RALYL: variants seen among roughly 807,000 people sequenced by gnomAD.
RALYL encodes the protein RALY RNA binding protein like, also known as RNA-binding Raly-like protein.
In RALYL, 29 loss-of-function variants were observed where a neutral mutation model predicts 35.1. The ratio of observed to expected loss-of-function variants is 0.83; its 90% CI spans 0.61 to 1.13. The LOEUF is 1.13. Among genes scored for constraint, RALYL ranks in the 50% most tolerant of loss-of-function variants. The probability of loss-of-function intolerance (pLI) is 0.00; values close to 1 mark genes in which losing one functional copy is unlikely to be tolerated. For missense variants in RALYL, 359 were observed against 360.4 expected, an observed-to-expected ratio of 1.00 and a Z score of 0.03; for synonymous variants, 120 against 127.6, an observed-to-expected ratio of 0.94 and a Z score of 0.40.
chr8:84,566,833 G>C (rs1258833206), intron 2 of RALYL, among the ~76,000 whole-genome samples: 1 of 151,454 alleles, frequency 6.6e-6, no homozygotes, highest in Non-Finnish European at 1.5e-5. Flanking sequence ...ATTGAAACTT[G>C]GCCCCAATTT....
In RALYL at chr8:84,475,497, G is replaced by A. The variant is rs1239658790; in HGVS notation, c.-23-53802G>A. On this transcript the variant is annotated intron_variant, in intron 1 of 8. Coordinates refer to ENST00000521268, the MANE Select transcript of RALYL (RefSeq NM_173848.7). ...TAAAACAAGTGTTTTAGGCAGATTA[G>A]AAAACTCTAATATAAAATTTTTGAA... is the stretch of plus-strand genomic sequence containing the variant. 2.6e-5 allele frequency among the ~76,000 whole-genome samples: 4 copies of A among 152,266 alleles called. No homozygotes were observed. The East Asian group carries it at 7.7e-4, about 29-fold the overall frequency.
chr8:84,640,679 C>G (rs960493575), intron 2 of RALYL, among the ~76,000 whole-genome samples: 3 of 151,768 alleles, frequency 2.0e-5, no homozygotes, highest in African/African-American at 4.8e-5. Flanking sequence ...CTTACAGAAG[C>G]TGATGAAAAA....
intron 1 of RALYL, among the ~76,000 whole-genome samples, chr8:84,217,759 G>T (rs945067598): frequency 6.6e-6 from 1 of 152,060 alleles, no homozygotes; most frequent in Non-Finnish European, 1.5e-5. Context: ...TCATTAAAAT[G>T]GTTGCCTTTA....
chr8:84,490,592 G>T (rs2055174008), intron 1 of RALYL, among the ~76,000 whole-genome samples: 1 of 151,978 alleles, frequency 6.6e-6, no homozygotes, highest in African/African-American at 2.4e-5. Flanking sequence ...AAGAAGGAAG[G>T]CAGGGGCTAG....
At chr8:84,821,075 T>C (rs1828411101) in intron 4 of RALYL, among the ~76,000 whole-genome samples, 1 of 152,192 alleles carries the variant, frequency 6.6e-6, no homozygotes, top group Non-Finnish European at 1.5e-5. Context: ...TTAAGCTTAC[T>C]TGAAGAGAAC....
At chr8:84,543,954 G>A (rs1474038813) in intron 2 of RALYL, among the ~76,000 whole-genome samples, 1 of 151,970 alleles carries the variant, frequency 6.6e-6, no homozygotes, top group Non-Finnish European at 1.5e-5. Context: ...TATTATGACT[G>A]CTCATTTGCT....
At chr8:84,782,115 G>T (rs867368948) in intron 3 of RALYL, among the ~76,000 whole-genome samples, 3 of 151,780 alleles carry the variant, frequency 2.0e-5, no homozygotes, top group Non-Finnish European at 4.4e-5. Context: ...AGAATCACAC[G>T]ATATTCCTTT....
chr8:84,662,341 A>G (rs1831102608), intron 2 of RALYL, among the ~76,000 whole-genome samples: 1 of 152,168 alleles, frequency 6.6e-6, no homozygotes, highest in African/African-American at 2.4e-5. Flanking sequence ...TGATCAGTTT[A>G]TAGATCTTAT....
At chr8:84,256,526 A>G (rs1831237813) in intron 1 of RALYL, among the ~76,000 whole-genome samples, 1 of 152,074 alleles carries the variant, frequency 6.6e-6, no homozygotes, top group South Asian at 2.1e-4. Context: ...TTTTGGCACT[A>G]CTTGATGTCC....
intron 2 of RALYL, among the ~76,000 whole-genome samples, chr8:84,550,682 T>C (rs1468848883): frequency 6.6e-6 from 1 of 151,850 alleles, no homozygotes; most frequent in Non-Finnish European, 1.5e-5. Context: ...CTTTAGAAAC[T>C]TATGACAGTC....
rs1308623408 is a variant in RALYL at position 84,921,442 on chromosome 8, T to A, written c.*531T>A. On this transcript the variant is annotated 3_prime_UTR_variant, in exon 9 of 9. Transcript: ENST00000521268. Reference sequence around the variant, plus strand: ...GAAAAAGTTATATTTCTGCCCTGTATAAGCACCCTTTTTATTAATAAAGAA... The same window carrying A: ...GAAAAAGTTATATTTCTGCCCTGTAAAAGCACCCTTTTTATTAATAAAGAA... The A allele has an allele frequency of 6.6e-6, 1 of 152,176 alleles. No homozygotes were observed. Among genetic ancestry groups the A allele is most frequent in the Non-Finnish European group, 1.5e-5 (1 of 67,992 alleles). 9.4% of individuals were successfully genotyped at this position (152,176 alleles called of 1,614,324 possible).
chr8:84,857,056 A>G (rs1019640643), intron 5 of RALYL, among the ~76,000 whole-genome samples: 43 of 151,674 alleles, frequency 2.8e-4, no homozygotes, highest in African/African-American at 1.0e-3. Context: ...AAAAAAAAAA[A>G]AAAGAATTAT....
At position 84,857,036 on chromosome 8, in the gene RALYL, GAAAAAAAAAAA is replaced by G. The variant is rs36119108; in HGVS notation, c.414-5247_414-5237del. On this transcript the variant is annotated intron_variant, in intron 5 of 8. Transcript: ENST00000521268. ...GGCGACAGAGCGAGACTCCGTCTCA[GAAAAAAAAAAA>G]AAAAAAAAAAAAGAATTATTTGTGT... Among the ~76,000 whole-genome samples, 11 of 91,826 alleles carry G rather than the reference GAAAAAAAAAAA, an allele frequency of 1.2e-4. No homozygotes were observed. The East Asian group carries it at 2.6e-3, about 22-fold the overall frequency. 60.2% of individuals were successfully genotyped at this position (91,826 alleles called of 152,430 possible). A position where few individuals can be genotyped will look rare whatever the true frequency, so the allele number is the denominator to read the frequency against.
intron 1 of RALYL, among the ~76,000 whole-genome samples, chr8:84,436,779 C>T (rs1041126611): frequency 6.6e-6 from 1 of 151,322 alleles, no homozygotes; most frequent in African/African-American, 2.4e-5. Flanking sequence ...ATATCCATGA[C>T]TCTCAAAAGT....
At chr8:84,242,065 A>G (rs113164824) in intron 1 of RALYL, among the ~76,000 whole-genome samples, 1,930 of 152,204 alleles carry the variant, frequency 0.013, 58 homozygotes, top group African/African-American at 0.043. Context: ...ATGTGTTCTC[A>G]TCGTTCAGCT....
At chr8:84,897,333 TA>T (rs1426312054) in intron 8 of RALYL, among the ~76,000 whole-genome samples, 1 of 152,210 alleles carries the variant, frequency 6.6e-6, no homozygotes, top group Non-Finnish European at 1.5e-5. Flanking sequence ...TTTGTATTTT[TA>T]AAAACCCTGG....
chr8:84,327,125 G>A (rs1212361192), intron 1 of RALYL, among the ~76,000 whole-genome samples: 1 of 151,988 alleles, frequency 6.6e-6, no homozygotes, highest in African/African-American at 2.4e-5. Context: ...ATTGTGAAAG[G>A]GGGTGGTAGA....
chr8:84,828,087 T>C (rs990710194), intron 4 of RALYL, among the ~76,000 whole-genome samples: 1 of 152,200 alleles, frequency 6.6e-6, no homozygotes, highest in Non-Finnish European at 1.5e-5. Flanking sequence ...TGCACTAGAT[T>C]TGTATAATAA....
At chr8:84,637,232 A>G (rs1825251029) in intron 2 of RALYL, among the ~76,000 whole-genome samples, 1 of 151,896 alleles carries the variant, frequency 6.6e-6, no homozygotes, top group South Asian at 2.1e-4. Context: ...TCATCAATTC[A>G]AGTTTTGTTT....
Sources: gnomAD v4.1 joint callset for allele counts (sites outside exome capture counted in the v4.1 genomes callset) on GRCh38, gnomAD v4.1.1 for gene constraint, MANE v1.5 for transcripts, NCBI Gene and HGNC (gene_info 2026-07-23, HGNC 2026-07-21) for gene names.